Variants in CNTNAP2 observed in about 807,000 individuals in gnomAD.
CNTNAP2 encodes the protein contactin associated protein 2.
CNTNAP2 carries 98 observed loss-of-function variants against 155.2 expected under a neutral mutation model. The ratio of observed to expected loss-of-function variants is 0.63; its 90% CI spans 0.54 to 0.75. The LOEUF is 0.75. Among genes scored for constraint, CNTNAP2 ranks in the 30% least tolerant of loss-of-function variants. The pLI, the probability that CNTNAP2 is intolerant of heterozygous loss-of-function variation, is 0.00. For missense variants in CNTNAP2, 1,727 were observed against 1,688.1 expected (o/e 1.02, Z -0.40); for synonymous variants, 651 against 631.2 (o/e 1.03, Z -0.47).
At chr7:147,570,034 G>A (rs1800254127) in intron 12 of CNTNAP2, among the ~76,000 whole-genome samples, 1 of 152,198 alleles carries the variant, frequency 6.6e-6, no homozygotes, top group Non-Finnish European at 1.5e-5. Context: ...TCCCTGCCTT[G>A]TGGCTCTGCC....
Position 146,178,558 on chromosome 7 carries a change from C to T in CNTNAP2, c.97+61585C>T, listed in dbSNP as rs563197535. Among the ~76,000 whole-genome samples, 275 of 152,242 alleles carry T rather than the reference C, an allele frequency of 1.8e-3. 3 individuals are homozygous for T. Among genetic ancestry groups the T allele is most frequent in the African/African-American group, 6.3e-3 (262 of 41,534 alleles). ...AATTTAAGAATCCTTTCTATCTATA[C>T]AAGTAGTGACCTACGCATCCTCCAT... On this transcript the variant is annotated intron_variant, in intron 1 of 23. Transcript: ENST00000361727.
intron 14 of CNTNAP2, among the ~76,000 whole-genome samples, chr7:147,965,313 T>A (rs893916863): frequency 3.3e-5 from 5 of 152,206 alleles, no homozygotes; most frequent in African/African-American, 1.2e-4. Context: ...GGATAAAACA[T>A]AATTAATTGA....
intron 1 of CNTNAP2, among the ~76,000 whole-genome samples, chr7:146,646,141 T>A (rs1273491708): frequency 6.6e-6 from 1 of 152,198 alleles, no homozygotes; most frequent in Non-Finnish European, 1.5e-5. Context: ...CCCATTCTTG[T>A]AAAAGTGAAA....
intron 1 of CNTNAP2, among the ~76,000 whole-genome samples, chr7:146,215,930 T>C (rs1799105838): frequency 6.6e-6 from 1 of 152,166 alleles, no homozygotes; most frequent in Non-Finnish European, 1.5e-5. Flanking sequence ...GATTCTTAGA[T>C]GAAGATTCAT....
At chr7:147,610,140 G>T (rs1219223343) in intron 12 of CNTNAP2, among the ~76,000 whole-genome samples, 1 of 152,086 alleles carries the variant, frequency 6.6e-6, no homozygotes, top group Non-Finnish European at 1.5e-5. Context: ...CTATGCAATT[G>T]TAATATAAAC....
At chr7:148,322,342 C>A (rs1039455651) in intron 21 of CNTNAP2, among the ~76,000 whole-genome samples, 5 of 152,182 alleles carry the variant, frequency 3.3e-5, no homozygotes, top group African/African-American at 1.2e-4. Context: ...TTCACACTCT[C>A]GTACACTCTG....
At chr7:148,024,116 T>C (rs1802332744) in intron 15 of CNTNAP2, among the ~76,000 whole-genome samples, 1 of 144,640 alleles carries the variant, frequency 6.9e-6, no homozygotes, top group Non-Finnish European at 1.5e-5. Flanking sequence ...TACACACTTC[T>C]TGCACTTGTG....
chr7:147,121,411 A>T (rs899164352), intron 6 of CNTNAP2: 10 of 410,838 alleles, frequency 2.4e-5, no homozygotes, highest in African/African-American at 2.0e-4. Context: ...GAACCATGCT[A>T]TCCAGGCCAT....
At chr7:147,795,669 A>G (rs924760640) in intron 13 of CNTNAP2, among the ~76,000 whole-genome samples, 2 of 152,108 alleles carry the variant, frequency 1.3e-5, no homozygotes, top group Admixed American at 6.6e-5. Flanking sequence ...TCTCCCAAAC[A>G]TCTTTTCAGT....
At chr7:148,414,970 G>GCT (rs1799943941) in intron 23 of CNTNAP2, 2 of 271,874 alleles carry the variant, frequency 7.4e-6, no homozygotes, top group Admixed American at 9.6e-5. Flanking sequence ...TCTATACATA[G>GCT]CTCTCTCGCG....
At chr7:147,705,376 C>T (rs1478481856) in intron 13 of CNTNAP2, among the ~76,000 whole-genome samples, 1 of 152,046 alleles carries the variant, frequency 6.6e-6, no homozygotes, top group Non-Finnish European at 1.5e-5. Flanking sequence ...TCCCTTGTTA[C>T]TGATTTCTAG....
intron 1 of CNTNAP2, among the ~76,000 whole-genome samples, chr7:146,303,787 T>A (rs1019786338): frequency 4.6e-5 from 7 of 152,164 alleles, no homozygotes; most frequent in Non-Finnish European, 1.5e-5. Context: ...TTAGGTCTGC[T>A]TGGTGCAGAG....
At chr7:146,284,605 CA>C (rs1416078962) in intron 1 of CNTNAP2, among the ~76,000 whole-genome samples, 5 of 152,116 alleles carry the variant, frequency 3.3e-5, no homozygotes. Context: ...AATTGTCAAC[CA>C]AGACTCCAAA....
At chr7:148,059,146 G>C (rs1022521170) in intron 15 of CNTNAP2, among the ~76,000 whole-genome samples, 1 of 151,994 alleles carries the variant, frequency 6.6e-6, no homozygotes, top group Admixed American at 6.6e-5. Context: ...AAATTAGCTG[G>C]GCGTGGTGGT....
intron 8 of CNTNAP2, among the ~76,000 whole-genome samples, chr7:147,231,680 TA>T (rs1484581471): frequency 6.6e-6 from 1 of 152,208 alleles, no homozygotes; most frequent in African/African-American, 2.4e-5. Context: ...TTCTGATGAT[TA>T]GTGATGCTGA....
At chr7:147,625,399 A>C (rs1388328626) in intron 12 of CNTNAP2, among the ~76,000 whole-genome samples, 3 of 152,132 alleles carry the variant, frequency 2.0e-5, no homozygotes, top group Admixed American at 2.0e-4. Context: ...TACCCACAAA[A>C]ATTTAAAATT....
At chr7:148,012,714 TTTAA>T (rs1215763810) in intron 15 of CNTNAP2, among the ~76,000 whole-genome samples, 5 of 152,242 alleles carry the variant, frequency 3.3e-5, no homozygotes, top group African/African-American at 7.2e-5. Context: ...CTCACTCTCA[TTTAA>T]TTATCAAGAA....
At chr7:147,308,699 T>C (rs1271234212) in intron 9 of CNTNAP2, among the ~76,000 whole-genome samples, 1 of 152,206 alleles carries the variant, frequency 6.6e-6, no homozygotes, top group Admixed American at 6.5e-5. Flanking sequence ...TTGTTCTGTA[T>C]GTGGTCATAG....
At chr7:147,001,279 T>A (rs1798416392) in intron 3 of CNTNAP2, among the ~76,000 whole-genome samples, 1 of 152,084 alleles carries the variant, frequency 6.6e-6, no homozygotes, top group South Asian at 2.1e-4. Context: ...TTTCTTCCGG[T>A]GGGTGATCAC....
Sources: allele counts gnomAD v4.1 joint callset (sites outside exome capture counted in the v4.1 genomes callset), GRCh38; gene constraint gnomAD v4.1.1; transcripts MANE v1.5; gene names NCBI Gene and HGNC (gene_info 2026-07-23, HGNC 2026-07-21).